Variants in CTNND2 observed in about 807,000 individuals in gnomAD.
CTNND2 encodes catenin delta-2.
In CTNND2, 22 loss-of-function variants were observed where a neutral mutation model predicts 144.4. That is an observed-to-expected ratio of 0.15 (90% confidence interval 0.11 to 0.22). CTNND2 has a LOEUF of 0.22. CTNND2 is among the 10% of genes least tolerant of loss of function. The pLI, the probability that CTNND2 is intolerant of heterozygous loss-of-function variation, is 1.00. For synonymous variants in CTNND2, 751 were observed against 695.6 expected, an observed-to-expected ratio of 1.08 and a Z score of -1.25; for missense variants, 1,353 against 1,618.8, an observed-to-expected ratio of 0.84 and a Z score of 2.82.
At chr5:11,027,564 G>A (rs1203419130) in intron 16 of CTNND2, among the ~76,000 whole-genome samples, 1 of 152,118 alleles carries the variant, frequency 6.6e-6, no homozygotes, top group African/African-American at 2.4e-5. Flanking sequence ...CATCAATGAT[G>A]GACTAACTGA....
intron 2 of CTNND2, among the ~76,000 whole-genome samples, chr5:11,721,477 G>C (rs769672644): frequency 6.6e-5 from 10 of 152,162 alleles, no homozygotes; most frequent in Non-Finnish European, 1.3e-4. Flanking sequence ...AAAAATGAGT[G>C]AATTGGTTAT....
chr5:11,083,552 A>T (rs61757060), intron 15 of CTNND2, among the ~76,000 whole-genome samples: 28,936 of 152,216 alleles, frequency 0.19, 3,349 homozygotes, highest in Middle Eastern at 0.3. Flanking sequence ...GTAATGCGTC[A>T]TATTAAAATG....
At chr5:11,528,571 G>A (rs1773470989) in intron 3 of CTNND2, among the ~76,000 whole-genome samples, 1 of 152,188 alleles carries the variant, frequency 6.6e-6, no homozygotes, top group Admixed American at 6.5e-5. Context: ...CCAAAAGGGA[G>A]GTGCAGAGTC....
intron 3 of CTNND2, among the ~76,000 whole-genome samples, chr5:11,458,949 T>C (rs1765964375): frequency 2.7e-5 from 4 of 150,766 alleles, no homozygotes; most frequent in South Asian, 4.2e-4. Flanking sequence ...TTTTTTTTTT[T>C]GGTAGAGATG....
At position 11,073,256 on chromosome 5, in the gene CTNND2, C is replaced by T. The variant is rs549819500; in HGVS notation, c.2788+9440G>A. Among the ~76,000 whole-genome samples the T allele has an allele frequency of 1.1e-4, 16 of 152,234 alleles. No individual in the cohort carries two copies. The South Asian group carries it at 2.9e-3, about 28-fold the overall frequency. ...CAATGTAAAAACATTATCCTGCAAACGTCTATTTTCTGTTTTTATATTCTC... is the reference window on the plus strand; with the variant it reads ...CAATGTAAAAACATTATCCTGCAAATGTCTATTTTCTGTTTTTATATTCTC... On this transcript the variant is annotated intron_variant, in intron 16 of 21. Transcript: ENST00000304623.
intron 1 of CTNND2, among the ~76,000 whole-genome samples, chr5:11,871,248 C>T (rs1436762482): frequency 2.6e-5 from 4 of 152,200 alleles, no homozygotes; most frequent in Admixed American, 2.6e-4. Flanking sequence ...CAGGCACAAA[C>T]TGACTTAAGA....
intron 1 of CTNND2, among the ~76,000 whole-genome samples, chr5:11,858,481 T>C (rs2127019398): frequency 6.6e-6 from 1 of 152,314 alleles, no homozygotes; most frequent in African/African-American, 2.4e-5. Flanking sequence ...CCAATATCTG[T>C]CCTATTCCTT....
At chr5:11,487,167 A>C (rs1768913199) in intron 3 of CTNND2, among the ~76,000 whole-genome samples, 1 of 151,890 alleles carries the variant, frequency 6.6e-6, no homozygotes, top group Admixed American at 6.6e-5. Context: ...ACTAATTATA[A>C]ATAGATCAAC....
intron 2 of CTNND2, among the ~76,000 whole-genome samples, chr5:11,593,709 A>C (rs1166063291): frequency 6.6e-6 from 1 of 152,172 alleles, no homozygotes; most frequent in African/African-American, 2.4e-5. Context: ...TTCCATCATG[A>C]TTGTGAGGCC....
intron 6 of CTNND2, among the ~76,000 whole-genome samples, chr5:11,390,368 C>T (rs765612658): frequency 3.9e-5 from 6 of 152,158 alleles, no homozygotes; most frequent in Non-Finnish European, 7.3e-5. Context: ...GTAGGAATGG[C>T]AGAGGAGTCA....
At chr5:11,144,887 C>T (rs962477189) in intron 12 of CTNND2, among the ~76,000 whole-genome samples, 1 of 152,110 alleles carries the variant, frequency 6.6e-6, no homozygotes, top group South Asian at 2.1e-4. Flanking sequence ...TGAGTCTCCC[C>T]TTATCGTTCC....
intron 2 of CTNND2, among the ~76,000 whole-genome samples, chr5:11,704,693 G>C (rs959543405): frequency 6.6e-6 from 1 of 151,744 alleles, no homozygotes; most frequent in East Asian, 2.0e-4. Flanking sequence ...AAATGAATTT[G>C]TCTTCAGCTT....
At chr5:11,458,167 A>G (rs1363363649) in intron 3 of CTNND2, among the ~76,000 whole-genome samples, 1 of 152,182 alleles carries the variant, frequency 6.6e-6, no homozygotes, top group Non-Finnish European at 1.5e-5. Flanking sequence ...CAATCTCTCT[A>G]GTCCTCACCA....
intron 11 of CTNND2, among the ~76,000 whole-genome samples, chr5:11,184,084 AG>A (rs1450053122): frequency 6.6e-6 from 1 of 152,236 alleles, no homozygotes; most frequent in Non-Finnish European, 1.5e-5. Flanking sequence ...GGTTAATAAA[AG>A]TGTTTCTGAA....
chr5:11,644,177 G>A (rs890967617), intron 2 of CTNND2, among the ~76,000 whole-genome samples: 3 of 151,918 alleles, frequency 2.0e-5, no homozygotes, highest in Non-Finnish European at 4.4e-5. Flanking sequence ...GAATCAATAA[G>A]AAAAAGTGAA....
intron 15 of CTNND2, among the ~76,000 whole-genome samples, chr5:11,097,783 C>T (rs1205070279): frequency 6.6e-6 from 1 of 152,086 alleles, no homozygotes; most frequent in East Asian, 1.9e-4. Flanking sequence ...TCCCACACCC[C>T]AGGATTTGAT....
chr5:11,187,223 C>T (rs1159069774), intron 11 of CTNND2, among the ~76,000 whole-genome samples: 2 of 152,266 alleles, frequency 1.3e-5, no homozygotes, highest in African/African-American at 4.8e-5. Context: ...GCACAACTAA[C>T]TACAACTCCC....
At chr5:11,033,237 G>A (rs1372880341) in intron 16 of CTNND2, among the ~76,000 whole-genome samples, 2 of 152,108 alleles carry the variant, frequency 1.3e-5, no homozygotes, top group Non-Finnish European at 2.9e-5. Context: ...GACTTGACAA[G>A]GATTACAAAA....
At chr5:11,237,495 T>C (rs1226012619) in intron 9 of CTNND2, among the ~76,000 whole-genome samples, 4 of 152,094 alleles carry the variant, frequency 2.6e-5, no homozygotes, top group Admixed American at 1.3e-4. Flanking sequence ...GGATTATTCA[T>C]TTATTTATTT....
Sources: gnomAD v4.1 joint callset for allele counts (sites outside exome capture counted in the v4.1 genomes callset) on GRCh38, gnomAD v4.1.1 for gene constraint, MANE v1.5 for transcripts, NCBI Gene and HGNC (gene_info 2026-07-23, HGNC 2026-07-21) for gene names.